The following TBCD variants were observed in gnomAD, a reference collection of about 807,000 sequenced individuals.
TBCD encodes tubulin folding cofactor D, also known as tubulin-specific chaperone D.
TBCD carries 105 observed loss-of-function variants against 169.3 expected under a neutral mutation model. The ratio of observed to expected loss-of-function variants is 0.62; its 90% CI spans 0.53 to 0.73. TBCD has a LOEUF of 0.73. Among genes scored for constraint, TBCD ranks in the 30% least tolerant of loss-of-function variants. The pLI is 0.00. For missense variants in TBCD, 1,444 were observed against 1,600.1 expected (o/e 0.90, Z 1.66); for synonymous variants, 700 against 643.9 (o/e 1.09, Z -1.32).
At chr17:82,868,072 C>T (rs1358871686) in intron 13 of TBCD, among the ~76,000 whole-genome samples, 1 of 152,168 alleles carries the variant, frequency 6.6e-6, no homozygotes, top group Non-Finnish European at 1.5e-5. Context: ...TGATGGTGGT[C>T]TGACCATGGT....
intron 13 of TBCD, among the ~76,000 whole-genome samples, chr17:82,837,447 G>T (rs1344671722): frequency 6.6e-6 from 1 of 152,210 alleles, no homozygotes; most frequent in Non-Finnish European, 1.5e-5. Context: ...ATTTAGAGGT[G>T]CAGTTTTTCT....
In TBCD at chr17:82,889,085, G is replaced by A. The variant is rs557353206; in HGVS notation, c.1534-583G>A. 1.3e-5 allele frequency among the ~76,000 whole-genome samples: 2 copies of A among 152,296 alleles called. No individual in the cohort carries two copies. The highest frequency in any genetic ancestry group is 1.9e-4 in the East Asian group (1 of 5,178). On this transcript the variant is annotated intron_variant, in intron 15 of 38. Coordinates refer to ENST00000355528, the MANE Select transcript of TBCD (RefSeq NM_005993.5). The surrounding 1 kb of genome is among the most constrained non-coding windows in gnomAD (Gnocchi z 5.3). ...CCCAGGTAACCTGCTCTGCCTGGTC[G>A]GTGCGCCTAAGGGGGGCAGGGTGTT...
chr17:82,815,169 G>A (rs566937101), intron 13 of TBCD, among the ~76,000 whole-genome samples: 2 of 152,206 alleles, frequency 1.3e-5, no homozygotes, highest in African/African-American at 4.8e-5. Context: ...CCTTTTTCTC[G>A]CATTGGCCTT....
chr17:82,810,129 G>A (rs956052046), intron 12 of TBCD, among the ~76,000 whole-genome samples: 42 of 152,180 alleles, frequency 2.8e-4, no homozygotes, highest in African/African-American at 8.9e-4. Context: ...CATTAGCCAC[G>A]TGTATCACTC....
chr17:82,836,168 A>G (rs1331719869), intron 13 of TBCD, among the ~76,000 whole-genome samples: 1 of 152,244 alleles, frequency 6.6e-6, no homozygotes, highest in African/African-American at 2.4e-5. Context: ...GGGTGATGAA[A>G]GCAGTTTCCC....
At chr17:82,900,953 C>A (rs372181079) in intron 18 of TBCD, among the ~76,000 whole-genome samples, 1 of 152,242 alleles carries the variant, frequency 6.6e-6, no homozygotes, top group Non-Finnish European at 1.5e-5. Context: ...TCCGACGTGG[C>A]GGTGTACCCG....
At chr17:82,938,297 G>C (rs1490210830) in intron 36 of TBCD, among the ~76,000 whole-genome samples, 161 bp downstream of exon 36, 1 of 152,250 alleles carries the variant, frequency 6.6e-6, no homozygotes, top group Non-Finnish European at 1.5e-5. Context: ...CGGCTGCCAA[G>C]GGGCTCTGGA....
rs564031887 is a variant in TBCD at position 82,859,295 on chromosome 17, A to C, written c.1319-10929A>C. 5.8e-4 allele frequency among the ~76,000 whole-genome samples: 50 copies of C among 86,574 alleles called. 2 individuals are homozygous for C. Among genetic ancestry groups the C allele is most frequent in the Non-Finnish European group, 9.7e-4 (42 of 43,236 alleles). 56.8% of individuals were successfully genotyped at this position (86,574 alleles called of 152,430 possible). A position where few individuals can be genotyped will look rare whatever the true frequency, so the allele number is the denominator to read the frequency against. On this transcript the variant is annotated intron_variant, in intron 13 of 38. Transcript: ENST00000355528. ...CCTACACTGACACACTGGCTTTCAG[A>C]GAAAGGGAGTCTCGTGGGTCGTCTG...
chr17:82,884,145 T>G lies in TBCD; in HGVS notation c.1476T>G (p.Ser492Arg). The G allele has an allele frequency of 6.2e-7, 1 of 1,608,406 alleles. No individual in the cohort carries two copies. The highest frequency in any genetic ancestry group is 8.5e-7 in the Non-Finnish European group (1 of 1,177,020). ...ELKPFVTAIS[S>R]ALVIAAVFDR... ...AATTAATCCTTTCTCTTTTTCACAG[T>G]GCACTGGTGATTGCTGCGGTGTTTG... The change falls in exon 15 of 39, where the codon AGT (serine) becomes AGG (arginine). Residue 492 changes from serine to arginine, a missense_variant and splice_region_variant. Transcript: ENST00000355528. The surrounding 1 kb of genome is among the most constrained non-coding windows in gnomAD (Gnocchi z 4.2).
At chr17:82,883,198 A>G (rs2058490739) in intron 14 of TBCD, among the ~76,000 whole-genome samples, 1 of 152,256 alleles carries the variant, frequency 6.6e-6, no homozygotes. Context: ...AAGGCAGAGC[A>G]CTTGGCCCCT....
At chr17:82,862,772 C>T (rs1018570738) in intron 13 of TBCD, among the ~76,000 whole-genome samples, 6 of 152,212 alleles carry the variant, frequency 3.9e-5, no homozygotes. Flanking sequence ...TTGCCGGCCC[C>T]GGCTCAGCTG....
intron 13 of TBCD, among the ~76,000 whole-genome samples, chr17:82,854,453 G>A (rs989096684): frequency 2.4e-4 from 36 of 152,220 alleles, no homozygotes; most frequent in African/African-American, 8.4e-4. Context: ...CCACATGGGC[G>A]AGACCTGTGC....
chr17:82,814,751 C>A, intron 12 of TBCD, 89 bp from the exon 13 acceptor site: 4 of 1,267,274 alleles, frequency 3.2e-6, no homozygotes, highest in Non-Finnish European at 4.5e-6. Flanking sequence ...AGGATATGGA[C>A]CTGCCAGGCT....
chr17:82,900,182 G>A (rs1000646252), intron 17 of TBCD, among the ~76,000 whole-genome samples: 2 of 152,336 alleles, frequency 1.3e-5, no homozygotes. Flanking sequence ...TCTGCTCCTT[G>A]TAATTCCCGC....
intron 17 of TBCD, among the ~76,000 whole-genome samples, chr17:82,898,448 G>C (rs998156182): frequency 6.6e-6 from 1 of 152,272 alleles, no homozygotes; most frequent in Non-Finnish European, 1.5e-5. Context: ...TTGGACAGCT[G>C]AGCAGAGGCT....
At position 82,781,667 on chromosome 17, in the gene TBCD, C is replaced by G; in HGVS notation, c.717C>G (p.Ser239=). 6.2e-7 allele frequency: 1 copy of G among 1,613,898 alleles called. No individual in the cohort carries two copies. The highest frequency in any genetic ancestry group is 8.5e-7 in the Non-Finnish European group (1 of 1,179,882). ...GGAGCCTGTGCAATCTGGCCCGTTC[C>G]TCCTTCCAGACCATGCAGGGGGTCA... is the stretch of plus-strand genomic sequence containing the variant. ...LDWSLCNLAR[S]SFQTMQGVIT... is the part of the protein sequence containing the mutation. The change falls in exon 7 of 39, where the codon TCC becomes TCG. Residue 239 remains serine (S), a synonymous_variant. Coordinates refer to ENST00000355528, the MANE Select transcript of TBCD (RefSeq NM_005993.5).
At chr17:82,754,271 T>C (rs139908600) in intron 1 of TBCD, among the ~76,000 whole-genome samples, 114 of 152,174 alleles carry the variant, frequency 7.5e-4, no homozygotes, top group African/African-American at 2.5e-3. Flanking sequence ...TATACAATCA[T>C]AGGGGAGTCG....
At position 82,832,344 on chromosome 17, in the gene TBCD, C is replaced by T. The variant is rs772654814; in HGVS notation, c.1318+17410C>T. 32 of 1,614,206 alleles carry T rather than the reference C, an allele frequency of 2.0e-5. No homozygotes were observed. Among genetic ancestry groups the T allele is most frequent in the Non-Finnish European group, 2.5e-5 (29 of 1,180,034 alleles). On this transcript the variant is annotated intron_variant, in intron 13 of 38. Coordinates refer to ENST00000355528, the MANE Select transcript of TBCD (RefSeq NM_005993.5). The surrounding 1 kb of genome is among the most constrained non-coding windows in gnomAD (Gnocchi z 4.9). ...ACTTCATGTGATTAAAAAGATGTGA[C>T]TTCTCATTGCAAGTAAAGGGACATT...
chr17:82,863,475 G>A (rs1432756753), intron 13 of TBCD, among the ~76,000 whole-genome samples: 2 of 152,212 alleles, frequency 1.3e-5, no homozygotes, highest in African/African-American at 2.4e-5. Flanking sequence ...CAAATGATCT[G>A]TGTTCTTGGA....
Sources: allele counts gnomAD v4.1 joint callset (sites outside exome capture counted in the v4.1 genomes callset), GRCh38; gene constraint gnomAD v4.1.1; non-coding constraint Gnocchi (gnomAD v3.1); transcripts MANE v1.5; gene names NCBI Gene and HGNC (gene_info 2026-07-23, HGNC 2026-07-21).